Variants in TAMM41 observed in about 807,000 individuals in gnomAD.
The protein encoded by TAMM41 is phosphatidate cytidylyltransferase, mitochondrial.
TAMM41 carries 36 observed loss-of-function variants against 44.1 expected under a neutral mutation model. That is an observed-to-expected ratio of 0.82 (90% CI 0.63 to 1.08). The LOEUF (loss-of-function observed/expected upper bound fraction) is 1.08. Ranked by LOEUF, TAMM41 falls within the 50% of genes least tolerant of loss-of-function variation. The pLI is 0.00. For synonymous variants in TAMM41, 164 were observed against 153.1 expected (o/e 1.07, Z -0.53); for missense variants, 417 against 404.3 (o/e 1.03, Z -0.27).
the TAMM41 span, among the ~76,000 whole-genome samples, chr3:11,782,823 G>T: frequency 4.6e-3 from 701 of 152,288 alleles, 1 homozygote; most frequent in African/African-American, 0.016. Flanking sequence ...GTGATTTTTT[G>T]GTGGGACAGA....
At chr3:11,826,609 T>C (rs1293496225) in intron 4 of TAMM41, 1 of 151,516 alleles carries the variant, frequency 6.6e-6, no homozygotes, top group Non-Finnish European at 1.5e-5. Flanking sequence ...GTGAGATAGT[T>C]ATTTGTTTTA....
chr3:11,813,866 A>ATG (rs779289734), intron 5 of TAMM41, among the ~76,000 whole-genome samples: 23 of 142,756 alleles, frequency 1.6e-4, no homozygotes, highest in Non-Finnish European at 2.7e-4. Flanking sequence ...GTATGTATGT[A>ATG]TATATATGTA....
At chr3:11,803,996 T>G (rs2077829941) in intron 7 of TAMM41, among the ~76,000 whole-genome samples, 1 of 152,094 alleles carries the variant, frequency 6.6e-6, no homozygotes, top group Admixed American at 6.5e-5. Flanking sequence ...ACTATTTGGG[T>G]GATGATGGGT....
At chr3:11,825,061 T>C (rs1177077145) in intron 4 of TAMM41, among the ~76,000 whole-genome samples, 1 of 152,046 alleles carries the variant, frequency 6.6e-6, no homozygotes, top group Non-Finnish European at 1.5e-5. Context: ...AGACCTTTCA[T>C]AGAACAGTGA....
the TAMM41 span, among the ~76,000 whole-genome samples, chr3:11,744,133 T>A: frequency 1.3e-5 from 2 of 151,922 alleles, no homozygotes; most frequent in Non-Finnish European, 2.9e-5. Context: ...AATGGTGTGA[T>A]CTCGGCTCAC....
chr3:11,757,227 TGA>T, the TAMM41 span, among the ~76,000 whole-genome samples: 1 of 152,164 alleles, frequency 6.6e-6, no homozygotes, highest in African/African-American at 2.4e-5. Context: ...CATGTTCACA[TGA>T]GAGAGAATAA....
At chr3:11,732,626 C>T in the TAMM41 span, among the ~76,000 whole-genome samples, 10 of 152,124 alleles carry the variant, frequency 6.6e-5, no homozygotes, top group African/African-American at 1.4e-4. Context: ...TACAGGGTGA[C>T]GGGTTGTGAC....
chr3:11,762,527 C>T, the TAMM41 span, among the ~76,000 whole-genome samples: 6 of 152,226 alleles, frequency 3.9e-5, no homozygotes, highest in Non-Finnish European at 5.9e-5. Flanking sequence ...ATATGTGCTC[C>T]GTTATTATTT....
chr3:11,772,586 T>C, the TAMM41 span, among the ~76,000 whole-genome samples: 1 of 152,178 alleles, frequency 6.6e-6, no homozygotes, highest in African/African-American at 2.4e-5. Context: ...ATTTTCTTTA[T>C]CTGATCCTTG....
the TAMM41 span, among the ~76,000 whole-genome samples, chr3:11,737,050 G>A: frequency 1.3e-5 from 2 of 151,890 alleles, no homozygotes; most frequent in Non-Finnish European, 2.9e-5. Flanking sequence ...GGCTCCCGGG[G>A]CAGCCCTGGC....
chr3:11,784,796 C>CTTTTTTTTTTTTTTT, the TAMM41 span, among the ~76,000 whole-genome samples: 1 of 109,034 alleles, frequency 9.2e-6, no homozygotes, highest in Admixed American at 1.0e-4. Flanking sequence ...CTTTTCTTTT[C>CTTTTTTTTTTTTTTT]TTTTTTTTTT....
chr3:11,842,609 G>A (rs1018772305), intron 2 of TAMM41, among the ~76,000 whole-genome samples: 20 of 152,212 alleles, frequency 1.3e-4, no homozygotes, highest in African/African-American at 4.6e-4. Flanking sequence ...CAGGTAGATG[G>A]CTTGAGCCCG....
At chr3:11,802,413 A>G (rs1177009233) in intron 7 of TAMM41, among the ~76,000 whole-genome samples, 1 of 152,212 alleles carries the variant, frequency 6.6e-6, no homozygotes. Flanking sequence ...ATCAGAGACT[A>G]TTATAAACAA....
chr3:11,762,016 A>G, the TAMM41 span, among the ~76,000 whole-genome samples: 4 of 151,652 alleles, frequency 2.6e-5, no homozygotes, highest in Non-Finnish European at 4.4e-5. Context: ...CCAGGCCCCA[A>G]TTTGAAGCAG....
the TAMM41 span, among the ~76,000 whole-genome samples, chr3:11,771,867 G>A: frequency 6.6e-6 from 1 of 152,210 alleles, no homozygotes; most frequent in Non-Finnish European, 1.5e-5. Flanking sequence ...ACAGGCGTGA[G>A]CCACCACGCC....
At chr3:11,802,952 CAT>C (rs2077795956) in intron 7 of TAMM41, among the ~76,000 whole-genome samples, 2 of 152,202 alleles carry the variant, frequency 1.3e-5, no homozygotes, top group Non-Finnish European at 1.5e-5. Context: ...ACAAAAACCA[CAT>C]GATTGTCTAA....
In TAMM41 at chr3:11,798,369, C is replaced by T. The variant is rs563298793; in HGVS notation, c.938-7788G>A. Among the ~76,000 whole-genome samples the T allele has an allele frequency of 9.4e-4, 143 of 152,060 alleles. 1 individual carries two copies. The highest frequency in any genetic ancestry group is 1.8e-3 in the Non-Finnish European group (125 of 68,028). ...GCAGGGATATAGATGGAGCTGGAGG[C>T]CATTATCCTCAGCAAACTAACACAG... is the stretch of plus-strand genomic sequence containing the variant. On this transcript the variant is annotated intron_variant, in intron 7 of 7. Coordinates refer to ENST00000455809, the MANE Select transcript of TAMM41 (RefSeq NM_001284401.2).
rs189568904 is a variant in TAMM41 at position 11,826,027 on chromosome 3, C to T, written c.562+3687G>A. Among the ~76,000 whole-genome samples the T allele has an allele frequency of 9.9e-3, 1,508 of 152,220 alleles. 25 individuals carry two copies. The highest frequency in any genetic ancestry group is 9.0e-3 in the Non-Finnish European group (609 of 68,000). ...AAGGAAGTCAGTGCCTCCTTTGCCCCTTTCCCAACGAAAGTAATCTGTACA... is the reference window on the plus strand; with the variant it reads ...AAGGAAGTCAGTGCCTCCTTTGCCCTTTTCCCAACGAAAGTAATCTGTACA... On this transcript the variant is annotated intron_variant, in intron 4 of 7. Coordinates refer to ENST00000455809, the MANE Select transcript of TAMM41 (RefSeq NM_001284401.2).
chr3:11,839,365 CT>C, intron 2 of TAMM41, 51 bp from the exon 3 acceptor site: 1 of 1,152,840 alleles, frequency 8.7e-7, no homozygotes, highest in South Asian at 1.3e-5. Context: ...CATGTTATTG[CT>C]TATACAAGTA....
Sources: allele counts gnomAD v4.1 joint callset (sites outside exome capture counted in the v4.1 genomes callset), GRCh38; gene constraint gnomAD v4.1.1; transcripts MANE v1.5; gene names NCBI Gene and HGNC (gene_info 2026-07-23, HGNC 2026-07-21).